ADAMTS17: variants seen among roughly 807,000 people sequenced by gnomAD.
ADAMTS17 encodes ADAM metallopeptidase with thrombospondin type 1 motif 17, also known as A disintegrin and metalloproteinase with thrombospondin motifs 17.
Under a neutral mutation model 141.5 loss-of-function variants are expected in ADAMTS17, and 113 were observed. The observed-to-expected ratio is 0.80, with a 90% CI of 0.69 to 0.93. ADAMTS17 has a LOEUF of 0.93. ADAMTS17 is among the 40% of genes least tolerant of loss of function. ADAMTS17 has a pLI of 0.00. For missense variants in ADAMTS17, 1,659 were observed against 1,517.9 expected (o/e 1.09, Z -1.54); for synonymous variants, 768 against 630.6 (o/e 1.22, Z -3.27).
At chr15:100,312,121 C>A (rs1047278878) in intron 3 of ADAMTS17, among the ~76,000 whole-genome samples, 1 of 152,170 alleles carries the variant, frequency 6.6e-6, no homozygotes, top group African/African-American at 2.4e-5. Context: ...CCAGAACCTA[C>A]GAAAATGTGA....
intron 6 of ADAMTS17, among the ~76,000 whole-genome samples, chr15:100,255,893 G>A (rs1197648126): frequency 6.6e-6 from 1 of 152,206 alleles, no homozygotes; most frequent in Non-Finnish European, 1.5e-5. Flanking sequence ...AGTCTCAAAT[G>A]ACAGACCCCG....
chr15:100,180,805 G>A (rs1238597165), intron 8 of ADAMTS17, among the ~76,000 whole-genome samples: 3 of 152,162 alleles, frequency 2.0e-5, no homozygotes. Context: ...AAGGCCTGCT[G>A]TAACCACTAC....
At chr15:100,113,426 GTGAC>G (rs1168536177) in intron 13 of ADAMTS17, among the ~76,000 whole-genome samples, 5 of 152,168 alleles carry the variant, frequency 3.3e-5, no homozygotes, top group Admixed American at 1.3e-4. Context: ...ACAGACCCAC[GTGAC>G]TGACTATGGG....
chr15:100,011,085 G>A (rs2061158260), intron 18 of ADAMTS17, among the ~76,000 whole-genome samples: 1 of 151,486 alleles, frequency 6.6e-6, no homozygotes, highest in African/African-American at 2.4e-5. Flanking sequence ...GAGGACTACT[G>A]AGAAACCACT....
rs952302733 is a variant in ADAMTS17, at chr15:99,992,807, A to G, written c.2949+241T>C. Among the ~76,000 whole-genome samples, 7 of 152,312 alleles carry G rather than the reference A, an allele frequency of 4.6e-5. No homozygotes were observed. In the East Asian group the frequency reaches 1.4e-3, roughly 29 times the overall value. On this transcript the variant is annotated intron_variant, in intron 20 of 21. Transcript: ENST00000268070. ...TGCGTTTCGGGTTCCTTCTGCATGC[A>G]CGTGAAGCAGTGGGGTTCTCCCAGT...
intron 10 of ADAMTS17, among the ~76,000 whole-genome samples, chr15:100,152,235 C>G (rs2039202308): frequency 6.6e-6 from 1 of 152,168 alleles, no homozygotes; most frequent in African/African-American, 2.4e-5. Flanking sequence ...AGTCAGGCGA[C>G]AGTGTCCTGC....
chr15:100,151,010 C>G (rs1201922925), intron 10 of ADAMTS17, among the ~76,000 whole-genome samples: 1 of 152,248 alleles, frequency 6.6e-6, no homozygotes, highest in African/African-American at 2.4e-5. Context: ...TAAGCCTTAA[C>G]ACTCAAGCCA....
chr15:100,320,521 G>A (rs1047542222), intron 3 of ADAMTS17, among the ~76,000 whole-genome samples: 3 of 152,160 alleles, frequency 2.0e-5, no homozygotes, highest in Non-Finnish European at 4.4e-5. Flanking sequence ...TTCCACATTT[G>A]GATAAATCGT....
intron 6 of ADAMTS17, among the ~76,000 whole-genome samples, chr15:100,254,726 C>T (rs1373986891): frequency 6.6e-6 from 1 of 151,912 alleles, no homozygotes; most frequent in African/African-American, 2.4e-5. Flanking sequence ...CTATTATCCT[C>T]AGAAAACTAA....
At chr15:100,020,070 C>A (rs1277779776) in intron 18 of ADAMTS17, among the ~76,000 whole-genome samples, 10 of 152,268 alleles carry the variant, frequency 6.6e-5, no homozygotes, top group African/African-American at 1.9e-4. Flanking sequence ...TCGTACCCAT[C>A]AGAAATAAAC....
At chr15:100,165,749 A>C (rs957111981) in intron 8 of ADAMTS17, among the ~76,000 whole-genome samples, 2 of 152,208 alleles carry the variant, frequency 1.3e-5, no homozygotes, top group African/African-American at 4.8e-5. Context: ...TGGAATAAGA[A>C]TATAGCCTCC....
At chr15:100,009,817 T>G (rs1437598410) in intron 18 of ADAMTS17, among the ~76,000 whole-genome samples, 1 of 152,156 alleles carries the variant, frequency 6.6e-6, no homozygotes, top group Non-Finnish European at 1.5e-5. Flanking sequence ...ATTTACATGA[T>G]TTAGACATGA....
intron 18 of ADAMTS17, among the ~76,000 whole-genome samples, chr15:100,024,554 G>A (rs539991830): frequency 6.6e-6 from 1 of 152,174 alleles, no homozygotes; most frequent in Non-Finnish European, 1.5e-5. Flanking sequence ...CCAGGGAGGA[G>A]TGCTTGGATC....
intron 20 of ADAMTS17, among the ~76,000 whole-genome samples, chr15:99,986,817 C>T (rs1255647701): frequency 2.0e-5 from 3 of 152,194 alleles, no homozygotes; most frequent in Non-Finnish European, 2.9e-5. Context: ...TACATAGACC[C>T]GGCATTCAGT....
chr15:100,212,636 A>G (rs750787393), intron 7 of ADAMTS17, among the ~76,000 whole-genome samples: 3 of 152,154 alleles, frequency 2.0e-5, no homozygotes, highest in Non-Finnish European at 4.4e-5. Context: ...AAGTCAGACC[A>G]AAAGATCCTG....
intron 18 of ADAMTS17, among the ~76,000 whole-genome samples, chr15:100,041,884 A>G (rs60809575): frequency 0.038 from 5,840 of 152,288 alleles, 371 homozygotes; most frequent in African/African-American, 0.13. Flanking sequence ...GAAATAAAGG[A>G]AAGTATAAAG....
At chr15:100,137,277 G>T (rs1353913423) in intron 10 of ADAMTS17, among the ~76,000 whole-genome samples, 1 of 152,212 alleles carries the variant, frequency 6.6e-6, no homozygotes, top group Non-Finnish European at 1.5e-5. Flanking sequence ...AGAAGAACCG[G>T]CTGGGAAGAA....
chr15:99,976,802 A>C (rs1039702033), intron 20 of ADAMTS17, among the ~76,000 whole-genome samples: 6 of 152,166 alleles, frequency 3.9e-5, no homozygotes, highest in African/African-American at 1.4e-4. Context: ...GTAAGGAATA[A>C]ATGTTTAAGC....
chr15:100,248,550 G>T (rs1596357926), intron 7 of ADAMTS17, among the ~76,000 whole-genome samples: 1 of 152,202 alleles, frequency 6.6e-6, no homozygotes, highest in East Asian at 1.9e-4. Context: ...CTGGAAAGCA[G>T]ACAGCTCTGG....
Sources: gnomAD v4.1 joint callset for allele counts (sites outside exome capture counted in the v4.1 genomes callset) on GRCh38, gnomAD v4.1.1 for gene constraint, MANE v1.5 for transcripts, NCBI Gene and HGNC (gene_info 2026-07-23, HGNC 2026-07-21) for gene names.